Variants in NOS3 observed in about 807,000 individuals in gnomAD.
NOS3 encodes the protein NOS type III.
A neutral mutation model predicts 144.9 loss-of-function variants in NOS3; 98 were observed. That is an observed-to-expected ratio of 0.68 (90% CI 0.57 to 0.80). NOS3 has a LOEUF of 0.80. Among genes scored for constraint, NOS3 ranks in the 30% least tolerant of loss-of-function variants. The pLI is 0.00. For missense variants in NOS3, 1,465 were observed against 1,656.4 expected (o/e 0.88, Z 2.01); for synonymous variants, 714 against 702.4 (o/e 1.02, Z -0.26).
intron 1 of NOS3, among the ~76,000 whole-genome samples, chr7:150,992,854 G>A (rs1802284037): frequency 6.6e-6 from 1 of 152,148 alleles, no homozygotes; most frequent in Non-Finnish European, 1.5e-5. Flanking sequence ...CCCCTCAGAT[G>A]GCACAGAACT....
intron 9 of NOS3, 87 bp from the exon 10 acceptor site, chr7:151,000,411 C>A: frequency 1.2e-6 from 1 of 862,954 alleles, no homozygotes; most frequent in Non-Finnish European, 2.0e-6. Context: ...CTCCTTCCAG[C>A]CATGTACGGG....
Position 150,998,535 on chromosome 7 carries a change from C to A in NOS3, c.675-4C>A. 6.2e-7 allele frequency: 1 copy of A among 1,610,564 alleles called. No individual in the cohort carries two copies. ...CTGACCAGCTCTTTCCCCATGCGTG[C>A]CAGCTCGGCCATCACAGTGTTCCCG... On this transcript the variant is annotated splice_region_variant and splice_polypyrimidine_tract_variant and intron_variant, in intron 6 of 26. Transcript: ENST00000297494. The surrounding 1 kb of genome is among the most constrained non-coding windows in gnomAD (Gnocchi z 5.0).
At chr7:151,010,327 C>T (rs3730010) in intron 21 of NOS3, 40 bp downstream of exon 21, 58 of 1,569,888 alleles carry the variant, frequency 3.7e-5, no homozygotes, top group South Asian at 4.6e-5. Flanking sequence ...GCTAGAGAGA[C>T]GGGATGAGCT....
chr7:151,007,993 T>G (rs559236630), intron 17 of NOS3, among the ~76,000 whole-genome samples: 1 of 152,204 alleles, frequency 6.6e-6, no homozygotes, highest in East Asian at 1.9e-4. Context: ...GGGGGCTACC[T>G]CAGGGACGGG....
intron 17 of NOS3, among the ~76,000 whole-genome samples, chr7:151,007,564 G>A (rs1374590119): frequency 1.3e-5 from 2 of 152,186 alleles, no homozygotes; most frequent in Admixed American, 6.5e-5. Flanking sequence ...ACAAGTGGGC[G>A]CACAAAGGGA....
chr7:151,008,487 C>T (rs946711995), intron 17 of NOS3, among the ~76,000 whole-genome samples: 3 of 152,130 alleles, frequency 2.0e-5, no homozygotes, highest in African/African-American at 7.2e-5. Context: ...ACTATCTGCA[C>T]GCACTTTGTG....
At chr7:151,011,338 G>A (rs1188957441) in intron 23 of NOS3, among the ~76,000 whole-genome samples, 1 of 144,256 alleles carries the variant, frequency 6.9e-6, no homozygotes, top group East Asian at 2.2e-4. Context: ...ACTCAATCCA[G>A]GGAGAACTAC....
intron 23 of NOS3, 130 bp downstream of exon 23, chr7:151,011,116 C>T: frequency 1.5e-6 from 1 of 661,526 alleles, no homozygotes; most frequent in South Asian, 1.8e-5. Flanking sequence ...GGTGTGGTGT[C>T]ATTAGGTCAC....
At chr7:151,005,984 T>G (rs148594703) in intron 14 of NOS3, among the ~76,000 whole-genome samples, 1 of 152,304 alleles carries the variant, frequency 6.6e-6, no homozygotes, top group African/African-American at 2.4e-5. Flanking sequence ...ATGGAGCCAC[T>G]GCACCCCAAC....
intron 25 of NOS3, 79 bp from the exon 26 acceptor site, chr7:151,013,645 C>T (rs1360437700): frequency 2.2e-6 from 3 of 1,343,832 alleles, no homozygotes; most frequent in Non-Finnish European, 3.0e-6. Context: ...ACTTTCACGT[C>T]CAGGGCCAGC....
At chr7:151,009,357 CCTCT>C in intron 19 of NOS3, 37 bp from the exon 20 acceptor site, 1 of 962,444 alleles carries the variant, frequency 1.0e-6, no homozygotes, top group Non-Finnish European at 1.6e-6. Context: ...CGCCCCCACC[CCTCT>C]CTGACTCCCC....
chr7:151,009,970 C>G (rs1004808442), intron 20 of NOS3, 145 bp from the exon 21 acceptor site: 14 of 603,122 alleles, frequency 2.3e-5, no homozygotes, highest in East Asian at 2.0e-4. Flanking sequence ...CAGGGGCCCC[C>G]GAACAATACA....
chr7:151,008,926 G>T lies in NOS3; in HGVS notation c.2113-4G>T. ...TCCTCAGCCCTCACCGGCCTGTCCCGCAGGCCGCCTGTGAGACCTTCTGTG... is the reference window on the plus strand; with the variant it reads ...TCCTCAGCCCTCACCGGCCTGTCCCTCAGGCCGCCTGTGAGACCTTCTGTG... On this transcript the variant is annotated splice_polypyrimidine_tract_variant and splice_region_variant and intron_variant, in intron 17 of 26. Transcript: ENST00000297494. 6.2e-7 allele frequency: 1 copy of T among 1,605,746 alleles called. No individual in the cohort carries two copies. The highest frequency in any genetic ancestry group is 1.1e-5 in the South Asian group (1 of 89,742).
In NOS3 at chr7:151,003,671, A is replaced by G. The variant is rs1488095680; in HGVS notation, c.1752+1367A>G. On this transcript the variant is annotated intron_variant, in intron 14 of 26. Transcript: ENST00000297494. This position sits in a 1 kb window ranked among gnomAD's most constrained non-coding sequence, Gnocchi z 4.1. ...TCCCTTCCCAGTCTGTCTCCCTGCC[A>G]GAAGTGTCTGTCACCACAGAATAGT... is the stretch of plus-strand genomic sequence containing the variant. The G allele has an allele frequency of 1.5e-5, 10 of 676,686 alleles. No homozygotes were observed. The highest frequency in any genetic ancestry group is 2.4e-5 in the Non-Finnish European group (10 of 414,690). The allele number at this position is 676,686 out of a possible 1,614,324, so 41.9% of individuals were successfully genotyped here.
intron 24 of NOS3, chr7:151,012,806 C>G (rs570716339): frequency 5.9e-6 from 2 of 338,152 alleles, no homozygotes; most frequent in Non-Finnish European, 1.1e-5. Flanking sequence ...TGTCCAAGAC[C>G]TAAGGATGCT....
Position 150,995,229 on chromosome 7 carries a change from C to A in NOS3, c.185C>A (p.Pro62His). 6.2e-7 allele frequency: 1 copy of A among 1,610,856 alleles called. No individual in the cohort carries two copies. The highest frequency in any genetic ancestry group is 8.5e-7 in the Non-Finnish European group (1 of 1,178,512). Residue 62 changes from proline to histidine, a missense_variant, in exon 3 of 27, where the codon CCC (proline) becomes CAC (histidine). By Grantham distance (77) the Pro-to-His change is moderately conservative (BLOSUM62 -2). Transcript: ENST00000297494. ...CCCCCGAGCTCCCCGCTAACCCAGC[C>A]CCCAGAGGGGCCCAAGTTCCCTCGT... ...HSPPSSPLTQ[P>H]PEGPKFPRVK...
In NOS3 at chr7:150,993,851, CCTGGGG is replaced by C; in HGVS notation, c.60_65del (p.Gly24_Leu25del). The C allele has an allele frequency of 6.2e-7, 1 of 1,602,492 alleles. No homozygotes were observed. Among genetic ancestry groups the C allele is most frequent in the South Asian group, 1.1e-5 (1 of 90,192 alleles). The stretch of plus-strand genomic sequence containing the variant: ...CCCAGGAGCCTGGGCCACCCTGCGG[CCTGGGG>C]CTGGGGCTGGGCCTTGGGCTGTGCG... On this transcript the variant is annotated inframe_deletion, in exon 2 of 27. Coordinates refer to ENST00000297494, the MANE Select transcript of NOS3 (RefSeq NM_000603.5). The surrounding 1 kb of genome is among the most constrained non-coding windows in gnomAD (Gnocchi z 4.0).
At position 151,008,232 on chromosome 7, in the gene NOS3, G is replaced by GA. The variant is rs372949401; in HGVS notation, c.2113-698_2113-697insA. Among the ~76,000 whole-genome samples the GA allele has an allele frequency of 2.4e-3, 368 of 152,220 alleles. 2 individuals are homozygous for GA. Among genetic ancestry groups the GA allele is most frequent in the African/African-American group, 8.3e-3 (345 of 41,542 alleles). ...GTGGAGATAGGAAGGAAGGGAGGGA[G>GA]GGGCCGAGGAAGGAAGGAAGAGATA... On this transcript the variant is annotated intron_variant, in intron 17 of 26. Coordinates refer to ENST00000297494, the MANE Select transcript of NOS3 (RefSeq NM_000603.5).
Position 150,998,539 on chromosome 7 carries a change from C to T in NOS3, c.675C>T (p.Arg225=), listed in dbSNP as rs765976949. ...IKYATNRGNL[R]SAITVFPQRC... ...CCAGCTCTTTCCCCATGCGTGCCAG[C>T]TCGGCCATCACAGTGTTCCCGCAGC... The change falls in exon 7 of 27, where the codon CGC becomes CGT. Residue 225 remains arginine (R), a splice_region_variant and synonymous_variant. Transcript: ENST00000297494. This position sits in a 1 kb window ranked among gnomAD's most constrained non-coding sequence, Gnocchi z 5.0. 1.2e-6 allele frequency: 2 copies of T among 1,610,740 alleles called. No individual in the cohort carries two copies. Among genetic ancestry groups the T allele is most frequent in the Non-Finnish European group, 1.7e-6 (2 of 1,179,204 alleles).
Sources: gnomAD v4.1 joint callset for allele counts (sites outside exome capture counted in the v4.1 genomes callset) on GRCh38, gnomAD v4.1.1 for gene constraint, Gnocchi (gnomAD v3.1) non-coding constraint, MANE v1.5 for transcripts, NCBI Gene and HGNC (gene_info 2026-07-23, HGNC 2026-07-21) for gene names.